ATOH8: variants seen among roughly 807,000 people sequenced by gnomAD.
ATOH8 encodes transcription factor ATOH8.
Under a neutral mutation model 21.2 loss-of-function variants are expected in ATOH8, and 9 were observed. The observed-to-expected ratio is 0.42, with a 90% CI of 0.26 to 0.74. The LOEUF (loss-of-function observed/expected upper bound fraction) is 0.74. Ranked by LOEUF, ATOH8 falls within the 30% of genes least tolerant of loss-of-function variation. The pLI is 0.24. For synonymous variants in ATOH8, 253 were observed against 224.0 expected (o/e 1.13, Z -1.16); for missense variants, 524 against 470.9 (o/e 1.11, Z -1.04).
chr2:85,757,722 G>A (rs1405809731), intron 1 of ATOH8, among the ~76,000 whole-genome samples: 1 of 151,824 alleles, frequency 6.6e-6, no homozygotes, highest in Non-Finnish European at 1.5e-5. Flanking sequence ...CTCATCCAGT[G>A]TTGAGAAGAG....
intron 1 of ATOH8, among the ~76,000 whole-genome samples, chr2:85,757,535 T>C (rs1368499120): frequency 6.6e-6 from 1 of 152,214 alleles, no homozygotes; most frequent in Admixed American, 6.5e-5. Flanking sequence ...GGCTCTGGCC[T>C]GGGGCTTCAT....
At chr2:85,764,467 A>C (rs1679953239) in intron 2 of ATOH8, among the ~76,000 whole-genome samples, 4 of 152,100 alleles carry the variant, frequency 2.6e-5, no homozygotes, top group Admixed American at 2.6e-4. Flanking sequence ...TTATCTCTAA[A>C]TCCCCTTCCT....
In ATOH8 at chr2:85,784,597, C is replaced by G. The variant is rs530037263; in HGVS notation, c.961-2288C>G. Among the ~76,000 whole-genome samples the G allele has an allele frequency of 2.0e-5, 3 of 152,270 alleles. No individual in the cohort carries two copies. In the South Asian group the frequency reaches 6.2e-4, roughly 32 times the overall value. On this transcript the variant is annotated intron_variant, in intron 2 of 2. Transcript: ENST00000306279. ...CATTAAAGCCACACAAATTTGTTTA[C>G]TGCAGGACTTTTCGGAGCCTTTGAC...
chr2:85,754,174 G>C lies in ATOH8; in HGVS notation c.-16G>C, dbSNP rs544239658. 3.0e-5 allele frequency: 47 copies of C among 1,546,690 alleles called. No individual in the cohort carries two copies. Among genetic ancestry groups the C allele is most frequent in the Non-Finnish European group, 3.9e-5 (45 of 1,151,030 alleles). ...CCGGGCAGCCCCACGCCCCTGCCTCGCGCGCCGCCCGCGCCATGAAGCACA... is the reference window on the plus strand; with the variant it reads ...CCGGGCAGCCCCACGCCCCTGCCTCCCGCGCCGCCCGCGCCATGAAGCACA... On this transcript the variant is annotated 5_prime_UTR_variant, in exon 1 of 3. Transcript: ENST00000306279.
Position 85,754,364 on chromosome 2 carries a change from G to C in ATOH8, c.175G>C (p.Gly59Arg). Residue 59 changes from glycine (G) to arginine (R), a missense_variant, in exon 1 of 3, where the codon GGG becomes CGG. By Grantham distance (125) the Gly-to-Arg change is moderately radical. Transcript: ENST00000306279. ...CGAGCCCCGCGCCGTAGCCACCAAC[G>C]GGCTGCGGGACAGGACCCATCGGCT... ...APEPRAVATN[G>R]LRDRTHRLQP... 6.2e-7 allele frequency: 1 copy of C among 1,600,908 alleles called. No individual in the cohort carries two copies. Among genetic ancestry groups the C allele is most frequent in the Non-Finnish European group, 8.5e-7 (1 of 1,175,394 alleles).
Position 85,788,191 on chromosome 2 carries a change from G to GT in ATOH8, c.*1302dup. ...CCCTTCAGGATCAGGCGCTGTCCGAGTGAGAGTGTGTGTGTCTGTGTGTGG... is the reference window on the plus strand; with the variant it reads ...CCCTTCAGGATCAGGCGCTGTCCGAGTTGAGAGTGTGTGTGTCTGTGTGTGG... On this transcript the variant is annotated 3_prime_UTR_variant, in exon 3 of 3. Transcript: ENST00000306279. The GT allele has an allele frequency of 6.6e-6, 1 of 152,314 alleles. No homozygotes were observed. The highest frequency in any genetic ancestry group is 2.1e-4 in the South Asian group (1 of 4,822). The allele number at this position is 152,314 out of a possible 1,614,324, so 9.4% of individuals were successfully genotyped here. A position where few individuals can be genotyped will look rare whatever the true frequency, so the allele number is the denominator to read the frequency against.
rs1466176917 is a variant in ATOH8, at chr2:85,766,695, C to T, written c.960+2513C>T. ...CAGATTCCTTTCCAGCTCAGGACCC[C>T]TGGAGTCGCTGGAGCCTTCGAGCTC... On this transcript the variant is annotated intron_variant, in intron 2 of 2. Coordinates refer to ENST00000306279, the MANE Select transcript of ATOH8 (RefSeq NM_032827.7). The surrounding 1 kb of genome is among the most constrained non-coding windows in gnomAD (Gnocchi z 4.0). Among the ~76,000 whole-genome samples, 1 of 152,228 alleles carries T rather than the reference C, an allele frequency of 6.6e-6. No individual in the cohort carries two copies. Among genetic ancestry groups the T allele is most frequent in the Non-Finnish European group, 1.5e-5 (1 of 68,036 alleles).
At chr2:85,756,409 A>G (rs1679698055) in intron 1 of ATOH8, among the ~76,000 whole-genome samples, 1 of 152,118 alleles carries the variant, frequency 6.6e-6, no homozygotes. Context: ...ATGCCTGTCC[A>G]CCTGCCCACC....
intron 2 of ATOH8, among the ~76,000 whole-genome samples, chr2:85,765,704 C>G (rs796401850): frequency 6.6e-6 from 1 of 152,294 alleles, no homozygotes; most frequent in East Asian, 1.9e-4. Flanking sequence ...GCCCTACCCC[C>G]GCACCCTCCT....
chr2:85,771,995 G>A (rs978970450), intron 2 of ATOH8, among the ~76,000 whole-genome samples: 2 of 152,238 alleles, frequency 1.3e-5, no homozygotes, highest in African/African-American at 2.4e-5. Context: ...AGGCCAGCCC[G>A]CTGCCTGAAG....
intron 2 of ATOH8, chr2:85,772,722 TAA>T (rs1558614100): frequency 2.2e-6 from 1 of 456,980 alleles, no homozygotes. Flanking sequence ...CGCTTATGAA[TAA>T]CAGGACTGGA....
intron 1 of ATOH8, among the ~76,000 whole-genome samples, chr2:85,758,695 G>A (rs1679783635): frequency 6.6e-6 from 1 of 152,142 alleles, no homozygotes; most frequent in South Asian, 2.1e-4. Context: ...AGGCCCTCTG[G>A]TCTGGTCTGG....
At chr2:85,775,254 T>G (rs1680291358) in intron 2 of ATOH8, 1 of 985,400 alleles carries the variant, frequency 1.0e-6, no homozygotes. Context: ...TTCTGGCACA[T>G]ACTAGGGCCC....
chr2:85,757,999 C>T (rs1679763623), intron 1 of ATOH8, among the ~76,000 whole-genome samples: 2 of 151,978 alleles, frequency 1.3e-5, no homozygotes, highest in Admixed American at 6.5e-5. Context: ...GTTGCCCAGG[C>T]TGGCCTCGAA....
At chr2:85,767,766 G>T (rs1451460778) in intron 2 of ATOH8, among the ~76,000 whole-genome samples, 1 of 152,140 alleles carries the variant, frequency 6.6e-6, no homozygotes, top group Non-Finnish European at 1.5e-5. Context: ...AAGAATTTCT[G>T]CTTCTAACAC....
intron 1 of ATOH8, among the ~76,000 whole-genome samples, chr2:85,757,498 T>C (rs1679742150): frequency 6.6e-6 from 1 of 152,252 alleles, no homozygotes; most frequent in African/African-American, 2.4e-5. Flanking sequence ...TTGGCCAGTG[T>C]GGCACTGAGA....
chr2:85,759,187 C>CA lies in ATOH8; in HGVS notation c.768+4231dup, dbSNP rs375300239. Among the ~76,000 whole-genome samples the CA allele has an allele frequency of 4.4e-3, 666 of 152,310 alleles. 7 individuals carry two copies. The highest frequency in any genetic ancestry group is 0.015 in the African/African-American group (629 of 41,572). ...GAGGGCGTGGGAATGGTGCCCTCAG[C>CA]ACCTCCCTCACTCTGAAACCCCACA... On this transcript the variant is annotated intron_variant, in intron 1 of 2. Coordinates refer to ENST00000306279, the MANE Select transcript of ATOH8 (RefSeq NM_032827.7).
At chr2:85,768,047 G>A (rs1356235214) in intron 2 of ATOH8, among the ~76,000 whole-genome samples, 1 of 152,230 alleles carries the variant, frequency 6.6e-6, no homozygotes, top group African/African-American at 2.4e-5. Context: ...AGATGGCCCT[G>A]GGACAGGAGC....
chr2:85,768,537 C>T (rs932227925), intron 2 of ATOH8, among the ~76,000 whole-genome samples: 1 of 151,780 alleles, frequency 6.6e-6, no homozygotes, highest in Admixed American at 6.5e-5. Context: ...GCCATTTGAA[C>T]TGTCCCATGC....
Sources: allele counts gnomAD v4.1 joint callset (sites outside exome capture counted in the v4.1 genomes callset), GRCh38; gene constraint gnomAD v4.1.1; non-coding constraint Gnocchi (gnomAD v3.1); transcripts MANE v1.5; gene names NCBI Gene and HGNC (gene_info 2026-07-23, HGNC 2026-07-21).